Variants in AKAP10 observed in about 807,000 individuals in gnomAD.
The protein encoded by AKAP10 is A-kinase anchor protein 10, mitochondrial.
Under a neutral mutation model 80.8 loss-of-function variants are expected in AKAP10, and 24 were observed. The observed-to-expected ratio is 0.30, with a 90% CI of 0.22 to 0.42. The LOEUF is 0.42. AKAP10 is among the 10% of genes least tolerant of loss of function. The pLI is 1.00. For missense variants in AKAP10, 661 were observed against 794.9 expected (o/e 0.83, Z 2.03); for synonymous variants, 291 against 277.7 (o/e 1.05, Z -0.48).
At chr17:19,956,458 A>C (rs571889420) in intron 4 of AKAP10, among the ~76,000 whole-genome samples, 71 of 152,380 alleles carry the variant, frequency 4.7e-4, no homozygotes, top group African/African-American at 1.6e-3. Flanking sequence ...TATACATTTA[A>C]TAAAACTAAA....
In AKAP10 at chr17:19,946,273, A is replaced by ATTTTTTT. The variant is rs2043127678; in HGVS notation, c.976+1133_976+1134insAAAAAAA. Among the ~76,000 whole-genome samples, 3 of 19,808 alleles carry ATTTTTTT rather than the reference A, an allele frequency of 1.5e-4. 1 individual carries two copies. Among genetic ancestry groups the ATTTTTTT allele is most frequent in the Non-Finnish European group, 1.7e-4 (2 of 11,738 alleles). 13.0% of individuals were successfully genotyped at this position (19,808 alleles called of 152,430 possible). On this transcript the variant is annotated intron_variant, in intron 5 of 14. Transcript: ENST00000225737. ...TATATATATATATATATATATATAT[A>ATTTTTTT]TATTTTTTTTTTTTTTTTTTTTTTT...
intron 9 of AKAP10, among the ~76,000 whole-genome samples, chr17:19,935,443 T>G (rs1215988767): frequency 6.6e-6 from 1 of 152,058 alleles, no homozygotes; most frequent in Non-Finnish European, 1.5e-5. Flanking sequence ...ACACTAAATT[T>G]ATTTAAAATT....
intron 4 of AKAP10, among the ~76,000 whole-genome samples, chr17:19,955,693 G>A (rs2043267045): frequency 6.6e-6 from 1 of 152,122 alleles, no homozygotes. Flanking sequence ...AAATCAGCCA[G>A]GCATGGTGGT....
chr17:19,939,663 A>T (rs1453250193), intron 8 of AKAP10, 50 bp downstream of exon 8: 1 of 1,579,506 alleles, frequency 6.3e-7, no homozygotes, highest in Non-Finnish European at 8.6e-7. Flanking sequence ...CACAAAACAT[A>T]TCAAATGTTC....
intron 10 of AKAP10, among the ~76,000 whole-genome samples, chr17:19,931,413 C>CA (rs1330650929): frequency 7.0e-6 from 1 of 142,498 alleles, no homozygotes; most frequent in Non-Finnish European, 1.5e-5. Context: ...TTTTTTGAGA[C>CA]ACAGTCTCAC....
chr17:19,962,755 A>G lies in AKAP10; in HGVS notation c.319+85T>C, dbSNP rs1488674339. ...TTTTTCCAAAGCACTTTCCAATTAT[A>G]TAGTTCTGTATCCTATGACAGAAGT... is the stretch of plus-strand genomic sequence containing the variant. On this transcript the variant is annotated intron_variant, in intron 3 of 14. Transcript: ENST00000225737. 3 of 1,375,868 alleles carry G rather than the reference A, an allele frequency of 2.2e-6. No homozygotes were observed. In the African/African-American group the frequency reaches 4.4e-5, roughly 20 times the overall value. 85.2% of individuals were successfully genotyped at this position (1,375,868 alleles called of 1,614,324 possible). A position where few individuals can be genotyped will look rare whatever the true frequency, so the allele number is the denominator to read the frequency against.
intron 1 of AKAP10, among the ~76,000 whole-genome samples, chr17:19,973,805 A>G (rs550939052): frequency 2.2e-4 from 33 of 152,346 alleles, no homozygotes; most frequent in Non-Finnish European, 1.3e-4. Flanking sequence ...TAGGATTTCG[A>G]TATGTGTGAG....
At chr17:19,934,393 G>A (rs2042970731) in intron 9 of AKAP10, among the ~76,000 whole-genome samples, 1 of 152,076 alleles carries the variant, frequency 6.6e-6, no homozygotes, top group South Asian at 2.1e-4. Context: ...TGTCACCAAG[G>A]CTGGAGTGCA....
chr17:19,946,250 T>TAAA (rs1175633125), intron 5 of AKAP10, among the ~76,000 whole-genome samples: 19 of 20,058 alleles, frequency 9.5e-4, no homozygotes, highest in African/African-American at 4.2e-3. Flanking sequence ...TATATATATA[T>TAAA]ATATATATAT....
chr17:19,971,639 T>A (rs559445971), intron 1 of AKAP10, among the ~76,000 whole-genome samples: 1 of 152,366 alleles, frequency 6.6e-6, no homozygotes, highest in East Asian at 1.9e-4. Flanking sequence ...TCATTTTAGC[T>A]ACTTAATTGT....
At chr17:19,938,400 C>T (rs1189656490) in intron 8 of AKAP10, among the ~76,000 whole-genome samples, 1 of 151,688 alleles carries the variant, frequency 6.6e-6, no homozygotes, top group Non-Finnish European at 1.5e-5. Flanking sequence ...TCATGCCTGG[C>T]TAATTCTTGT....
chr17:19,933,064 G>A (rs953506101), intron 9 of AKAP10, among the ~76,000 whole-genome samples: 2 of 152,110 alleles, frequency 1.3e-5, no homozygotes, highest in Admixed American at 6.6e-5. Context: ...TGTCCCCCGG[G>A]CTGGAATGCA....
chr17:19,906,939 T>C (rs1272843610), intron 14 of AKAP10, among the ~76,000 whole-genome samples: 1 of 152,148 alleles, frequency 6.6e-6, no homozygotes, highest in Non-Finnish European at 1.5e-5. Context: ...CATGAGGAAC[T>C]AAAGTAGTCA....
At chr17:19,931,231 G>A (rs1310057753) in intron 10 of AKAP10, among the ~76,000 whole-genome samples, 8 of 152,106 alleles carry the variant, frequency 5.3e-5, no homozygotes, top group Admixed American at 5.2e-4. Flanking sequence ...CAGAGGCTAT[G>A]AATATATTCC....
intron 4 of AKAP10, 54 bp from the exon 5 acceptor site, chr17:19,947,559 A>T: frequency 8.7e-7 from 1 of 1,150,236 alleles, no homozygotes; most frequent in African/African-American, 1.5e-5. Context: ...GACTCCAGTA[A>T]TGAATTATAT....
intron 5 of AKAP10, among the ~76,000 whole-genome samples, chr17:19,946,152 ATATAC>A (rs1222615381): frequency 4.0e-4 from 47 of 117,672 alleles, no homozygotes; most frequent in Non-Finnish European, 7.0e-4. Context: ...ATATTAGTAT[ATATAC>A]TAATATATAA....
intron 1 of AKAP10, among the ~76,000 whole-genome samples, chr17:19,970,061 T>C (rs758605858): frequency 6.6e-6 from 1 of 152,150 alleles, no homozygotes; most frequent in Non-Finnish European, 1.5e-5. Context: ...TAAATTTATA[T>C]CTCCATCCTA....
At chr17:19,974,916 T>G (rs1407521479) in intron 1 of AKAP10, among the ~76,000 whole-genome samples, 2 of 152,180 alleles carry the variant, frequency 1.3e-5, no homozygotes, top group African/African-American at 4.8e-5. Context: ...GTGATCCTCC[T>G]GTCTCAGCCT....
chr17:19,961,922 C>G (rs1463529050), intron 3 of AKAP10, among the ~76,000 whole-genome samples: 1 of 152,018 alleles, frequency 6.6e-6, no homozygotes, highest in Non-Finnish European at 1.5e-5. Flanking sequence ...TTGAGACCAG[C>G]TTAGGCAACA....
Sources: allele counts gnomAD v4.1 joint callset (sites outside exome capture counted in the v4.1 genomes callset), GRCh38; gene constraint gnomAD v4.1.1; transcripts MANE v1.5; gene names NCBI Gene and HGNC (gene_info 2026-07-23, HGNC 2026-07-21).